The following VIL1 variants were observed in gnomAD, a reference collection of about 807,000 sequenced individuals.
VIL1 encodes villin-1.
VIL1 carries 86 observed loss-of-function variants against 104.0 expected under a neutral mutation model. The ratio of observed to expected loss-of-function variants is 0.83; its 90% confidence interval spans 0.69 to 0.99. The LOEUF (loss-of-function observed/expected upper bound fraction) is 0.99. Among genes scored for constraint, VIL1 ranks in the 50% least tolerant of loss-of-function variants. The pLI is 0.00. For synonymous variants in VIL1, 394 were observed against 412.6 expected (o/e 0.95, Z 0.55); for missense variants, 944 against 1,054.1 (o/e 0.90, Z 1.45).
At chr2:218,428,459 A>C (rs1689040503) in intron 6 of VIL1, 122 bp downstream of exon 6, 2 of 819,878 alleles carry the variant, frequency 2.4e-6, no homozygotes, top group Non-Finnish European at 4.1e-6. Context: ...CTCAGTCTCC[A>C]TGTGTTTGGT....
chr2:218,438,598 C>A (rs1191439431), intron 17 of VIL1, 60 bp from the exon 18 acceptor site: 30 of 1,496,914 alleles, frequency 2.0e-5, no homozygotes, highest in Admixed American at 1.2e-4. Context: ...GGGAAAATGG[C>A]TTCTCATCCA....
At chr2:218,438,512 T>A (rs1689232050) in intron 17 of VIL1, 146 bp from the exon 18 acceptor site, 1 of 698,690 alleles carries the variant, frequency 1.4e-6, no homozygotes, top group Non-Finnish European at 2.4e-6. Context: ...TCAGGGACCC[T>A]CCTCCAGCCT....
rs907642010 is a variant in VIL1, at chr2:218,429,831, T to C, written c.850-18T>C. 2.5e-6 allele frequency: 4 copies of C among 1,610,138 alleles called. No homozygotes were observed. In the Admixed American group the frequency reaches 5.0e-5, roughly 20 times the overall value. Reference sequence around the variant, plus strand: ...AGCACCTCCAGCTCCATCAGACTCTTACCTCTCCCGACTCTAGGACTGTTA... The same window carrying C: ...AGCACCTCCAGCTCCATCAGACTCTCACCTCTCCCGACTCTAGGACTGTTA... On this transcript the variant is annotated intron_variant, in intron 8 of 19. Transcript: ENST00000248444.
rs1689461055 is a variant in VIL1, at chr2:218,450,955, T to C, written c.*1619T>C. The C allele has an allele frequency of 6.6e-6, 1 of 152,220 alleles. No homozygotes were observed. Among genetic ancestry groups the C allele is most frequent in the African/African-American group, 2.4e-5 (1 of 41,444 alleles). The allele number at this position is 152,220 out of a possible 1,614,324, so 9.4% of individuals were successfully genotyped here. A position where few individuals can be genotyped will look rare whatever the true frequency, so the allele number is the denominator to read the frequency against. ...GTATGATACAATGAATGAGACTGCCTGAAGTCTAGTAATCAAAGCATGCCA... is the reference window on the plus strand; with the variant it reads ...GTATGATACAATGAATGAGACTGCCCGAAGTCTAGTAATCAAAGCATGCCA... On this transcript the variant is annotated 3_prime_UTR_variant, in exon 20 of 20. Coordinates refer to ENST00000248444, the MANE Select transcript of VIL1 (RefSeq NM_007127.3).
chr2:218,435,535 C>T, intron 15 of VIL1, 101 bp downstream of exon 15: 1 of 1,456,212 alleles, frequency 6.9e-7, no homozygotes, highest in Non-Finnish European at 9.2e-7. Context: ...GGACTGAGGA[C>T]TCTGTGTGTC....
In VIL1 at chr2:218,425,644, T is replaced by C; in HGVS notation, c.180T>C (p.Tyr60=). 1 of 1,614,146 alleles carries C rather than the reference T, an allele frequency of 6.2e-7. No homozygotes were observed. The highest frequency in any genetic ancestry group is 8.5e-7 in the Non-Finnish European group (1 of 1,180,018). The change falls in exon 4 of 20, where the codon TAT becomes TAC. Residue 60 remains tyrosine, a synonymous_variant. Coordinates refer to ENST00000248444, the MANE Select transcript of VIL1 (RefSeq NM_007127.3). ...AIHKTASSLS[Y]DIHYWIGQDS... is the part of the protein sequence containing the mutation. Reference sequence around the variant, plus strand: ...ACAAGACAGCCAGCAGCCTGTCCTATGACATCCACTACTGGATTGGCCAGG... The same window carrying C: ...ACAAGACAGCCAGCAGCCTGTCCTACGACATCCACTACTGGATTGGCCAGG...
Position 218,438,649 on chromosome 2 carries a change from T to A in VIL1, c.2161-9T>A, listed in dbSNP as rs1689234763. ...TCCAGGTCTAATCTGTTATTTACTT[T>A]ATGTGCAGAACACCAAATCCTATGA... On this transcript the variant is annotated splice_polypyrimidine_tract_variant and intron_variant, in intron 17 of 19. Transcript: ENST00000248444. 6.2e-7 allele frequency: 1 copy of A among 1,610,062 alleles called. No homozygotes were observed. The highest frequency in any genetic ancestry group is 1.7e-5 in the Admixed American group (1 of 59,218).
At chr2:218,426,055 C>T (rs1688976049) in intron 4 of VIL1, among the ~76,000 whole-genome samples, 1 of 152,134 alleles carries the variant, frequency 6.6e-6, no homozygotes, top group Non-Finnish European at 1.5e-5. Flanking sequence ...TTATTTCTGC[C>T]ACTGCTCTGT....
chr2:218,429,177 C>A (rs939145873), intron 6 of VIL1, 108 bp from the exon 7 acceptor site: 1 of 1,302,074 alleles, frequency 7.7e-7, no homozygotes, highest in Non-Finnish European at 1.1e-6. Flanking sequence ...GGGTCTCAAC[C>A]CCTGTGGCTG....
intron 16 of VIL1, 111 bp from the exon 17 acceptor site, chr2:218,437,013 A>G: frequency 7.8e-7 from 1 of 1,287,444 alleles, no homozygotes; most frequent in Non-Finnish European, 1.1e-6. Flanking sequence ...TTTGGCTGGT[A>G]GTGGTAGAGT....
chr2:218,445,268 C>T (rs766858662), intron 19 of VIL1, among the ~76,000 whole-genome samples: 14 of 151,988 alleles, frequency 9.2e-5, no homozygotes, highest in Non-Finnish European at 1.8e-4. Flanking sequence ...GGTGTGGTGG[C>T]GTGCACCTGT....
At chr2:218,423,876 G>A (rs774959918) in intron 2 of VIL1, 23 bp downstream of exon 2, 2 of 1,613,718 alleles carry the variant, frequency 1.2e-6, no homozygotes, top group Admixed American at 1.7e-5. Context: ...CTGGGCATGG[G>A]GGCTGCTCAG....
intron 12 of VIL1, 22 bp downstream of exon 12, chr2:218,432,205 C>A: frequency 6.2e-7 from 1 of 1,607,252 alleles, no homozygotes; most frequent in Non-Finnish European, 8.5e-7. Flanking sequence ...CCACGTCCCA[C>A]CCAGAGCACA....
intron 13 of VIL1, 101 bp from the exon 14 acceptor site, chr2:218,434,425 G>A (rs1574816648): frequency 7.9e-7 from 1 of 1,268,620 alleles, no homozygotes; most frequent in Non-Finnish European, 1.1e-6. Context: ...GGAGCTCAGG[G>A]GCAAACCTCC....
At chr2:218,448,065 G>C (rs1419583213) in intron 19 of VIL1, among the ~76,000 whole-genome samples, 1 of 152,138 alleles carries the variant, frequency 6.6e-6, no homozygotes, top group African/African-American at 2.4e-5. Flanking sequence ...TTCCAGACCT[G>C]CCTGGGCAAC....
At chr2:218,436,198 G>C (rs1689185983) in intron 15 of VIL1, among the ~76,000 whole-genome samples, 1 of 152,098 alleles carries the variant, frequency 6.6e-6, no homozygotes, top group East Asian at 1.9e-4. Flanking sequence ...AAGCAAAAGG[G>C]CATGTACTGT....
At position 218,437,208 on chromosome 2, in the gene VIL1, C is replaced by G; in HGVS notation, c.2056C>G (p.Pro686Ala). 6.2e-7 allele frequency: 1 copy of G among 1,614,226 alleles called. No homozygotes were observed. The highest frequency in any genetic ancestry group is 1.1e-5 in the South Asian group (1 of 91,086). Reference protein sequence around the residue: ...TTAQEYLKTHPSGRDPETPII... With the variant: ...TTAQEYLKTHASGRDPETPII... ...TGCACAGGAATACCTCAAGACCCAT[C>G]CCAGCGGGCGTGACCCTGAGACCCC... Residue 686 changes from proline to alanine, a missense_variant, in exon 17 of 20, where the codon CCC (proline) becomes GCC (alanine). Physicochemically the swap from Pro to Ala is conservative, Grantham distance 27 (BLOSUM62 -1). Coordinates refer to ENST00000248444, the MANE Select transcript of VIL1 (RefSeq NM_007127.3).
rs1689157536 is a variant in VIL1 at position 218,434,686 on chromosome 2, G to A, written c.1661G>A (p.Cys554Tyr). Residue 554 changes from cysteine to tyrosine, a missense_variant, in exon 14 of 20, where the codon TGC becomes TAC. Coordinates refer to ENST00000248444, the MANE Select transcript of VIL1 (RefSeq NM_007127.3). ...TTTGTCCTCAAGACCCAGTCTTGCT[G>A]CTATCTATGGTGTGGGAAGGTGTGT... ...DVFVLKTQSCCYLWCGKGCSG... is the reference protein window; with the variant it reads ...DVFVLKTQSCYYLWCGKGCSG... 1 of 1,613,482 alleles carries A rather than the reference G, an allele frequency of 6.2e-7. No individual in the cohort carries two copies. Among genetic ancestry groups the A allele is most frequent in the Admixed American group, 1.7e-5 (1 of 59,944 alleles).
intron 19 of VIL1, among the ~76,000 whole-genome samples, chr2:218,444,425 G>A (rs1002064605): frequency 3.9e-5 from 6 of 151,970 alleles, no homozygotes; most frequent in Admixed American, 6.6e-5. Flanking sequence ...GACTACAGGC[G>A]CCCGCCATCA....
Sources: allele counts gnomAD v4.1 joint callset (sites outside exome capture counted in the v4.1 genomes callset), GRCh38; gene constraint gnomAD v4.1.1; transcripts MANE v1.5; gene names NCBI Gene and HGNC (gene_info 2026-07-23, HGNC 2026-07-21).